Variants in BAZ1A observed in about 807,000 individuals in gnomAD.
The protein encoded by BAZ1A is bromodomain adjacent to zinc finger domain protein 1A.
In BAZ1A, 50 loss-of-function variants were observed where a neutral mutation model predicts 185.2. The ratio of observed to expected loss-of-function variants is 0.27; its 90% confidence interval spans 0.22 to 0.34. The LOEUF (loss-of-function observed/expected upper bound fraction) is 0.34, where lower values mean the gene tolerates loss of function less well. Among genes scored for constraint, BAZ1A ranks in the 10% least tolerant of loss-of-function variants. The pLI, the probability that BAZ1A is intolerant of heterozygous loss-of-function variation, is 1.00. For missense variants in BAZ1A, 1,356 were observed against 1,839.9 expected (o/e 0.74, Z 4.81); for synonymous variants, 571 against 615.6 (o/e 0.93, Z 1.07).
chr14:34,851,540 A>G (rs902349738), intron 3 of BAZ1A, among the ~76,000 whole-genome samples: 2 of 151,862 alleles, frequency 1.3e-5, no homozygotes, highest in African/African-American at 4.8e-5. Context: ...TTTTTTCCTG[A>G]TTTAATTCTC....
rs60954768 is a variant in BAZ1A, at chr14:34,839,839, CAAAAAAAAA to C, written c.393-13692_393-13684del. ...TGGGCGACAAAGCGAGCCTCTGTTTCAAAAAAAAAAAAAAAAAAGGAAAAATGAGCATTT... is the reference window on the plus strand; with the variant it reads ...TGGGCGACAAAGCGAGCCTCTGTTTCAAAAAAAAAGGAAAAATGAGCATTT... On this transcript the variant is annotated intron_variant, in intron 3 of 26. Coordinates refer to ENST00000360310, the MANE Select transcript of BAZ1A (RefSeq NM_013448.3). 2.9e-3 allele frequency among the ~76,000 whole-genome samples: 314 copies of C among 106,686 alleles called. 2 individuals carry two copies. Among genetic ancestry groups the C allele is most frequent in the African/African-American group, 0.011 (307 of 26,924 alleles). The allele number at this position is 106,686 out of a possible 152,430, so 70.0% of individuals were successfully genotyped here.
At chr14:34,865,122 C>T (rs35265117) in intron 2 of BAZ1A, among the ~76,000 whole-genome samples, 21,547 of 151,998 alleles carry the variant, frequency 0.14, 1,728 homozygotes, top group Middle Eastern at 0.2. Context: ...GTAGCATGAG[C>T]CTGTAATTCG....
chr14:34,820,050 A>C (rs2138699336), intron 4 of BAZ1A, among the ~76,000 whole-genome samples: 1 of 150,364 alleles, frequency 6.7e-6, no homozygotes, highest in East Asian at 1.9e-4. Context: ...TCATATGCTT[A>C]CTTGCCATCT....
Position 34,783,207 on chromosome 14 carries a change from G to A in BAZ1A, c.2023C>T (p.Leu675Phe), listed in dbSNP as rs760073758. Residue 675 changes from leucine to phenylalanine, a missense_variant, in exon 16 of 27, where the codon CTT (leucine) becomes TTT (phenylalanine). By Grantham distance (22) the Leu-to-Phe change is conservative. This residue lies in a region of BAZ1A where 434 missense variants were observed against 561.7 expected (regional missense o/e 0.77). Transcript: ENST00000360310. ...TTCATTTTTTGTTCTTGCTCCTTAA[G>A]TTTTTCTTCCTTCCTTTTACGAATT... ...ARIRKRKEEK[L>F]KEQEQKMKEK... The A allele has an allele frequency of 3.8e-5, 61 of 1,598,144 alleles. No individual in the cohort carries two copies. The highest frequency in any genetic ancestry group is 4.6e-5 in the Non-Finnish European group (54 of 1,170,298).
intron 3 of BAZ1A, among the ~76,000 whole-genome samples, chr14:34,841,280 T>C (rs546422893): frequency 3.3e-5 from 5 of 152,348 alleles, no homozygotes; most frequent in African/African-American, 1.2e-4. Context: ...CCCATTCTGA[T>C]TGCCAATCAT....
chr14:34,803,670 T>C (rs1881701911), intron 6 of BAZ1A, among the ~76,000 whole-genome samples: 3 of 152,158 alleles, frequency 2.0e-5, no homozygotes. Flanking sequence ...GAATAATCAA[T>C]CCATATATTT....
chr14:34,764,043 C>T (rs1170442788), intron 23 of BAZ1A, among the ~76,000 whole-genome samples: 1 of 152,100 alleles, frequency 6.6e-6, no homozygotes, highest in Non-Finnish European at 1.5e-5. Context: ...AATATCCAGG[C>T]TCCACACTCA....
intron 25 of BAZ1A, among the ~76,000 whole-genome samples, chr14:34,756,769 A>G (rs1415043925): frequency 6.6e-6 from 1 of 151,710 alleles, no homozygotes; most frequent in East Asian, 1.9e-4. Context: ...CTGGCCCAGA[A>G]TAACTTTTAT....
intron 17 of BAZ1A, among the ~76,000 whole-genome samples, chr14:34,777,461 T>C (rs978856345): frequency 2.0e-5 from 3 of 151,808 alleles, no homozygotes; most frequent in African/African-American, 4.8e-5. Flanking sequence ...CTGGCCAACA[T>C]GGTGAAATCC....
chr14:34,762,292 C>T (rs770252684), intron 23 of BAZ1A, 69 bp from the exon 24 acceptor site: 3 of 1,423,932 alleles, frequency 2.1e-6, no homozygotes, highest in Non-Finnish European at 2.9e-6. Context: ...GCTCTATTCT[C>T]CTTGTTGTAT....
At chr14:34,805,426 G>A (rs4387519) in intron 6 of BAZ1A, among the ~76,000 whole-genome samples, 89,186 of 151,928 alleles carry the variant, frequency 0.59, 26,359 homozygotes, top group South Asian at 0.67. Context: ...CCATTTTCCA[G>A]TTGGGTCATC....
intron 9 of BAZ1A, among the ~76,000 whole-genome samples, chr14:34,798,944 T>C (rs547011268): frequency 1.1e-4 from 17 of 152,238 alleles, no homozygotes; most frequent in Admixed American, 4.6e-4. Context: ...CATATGTTTA[T>C]TGTGGCACTA....
intron 18 of BAZ1A, 103 bp downstream of exon 18, chr14:34,775,816 G>A: frequency 1.2e-6 from 1 of 845,074 alleles, no homozygotes; most frequent in Non-Finnish European, 1.9e-6. Flanking sequence ...AAGATAAGGT[G>A]TTGTAAATGT....
chr14:34,860,516 G>GA (rs2042750497), intron 3 of BAZ1A, among the ~76,000 whole-genome samples: 5 of 30,984 alleles, frequency 1.6e-4, no homozygotes, highest in East Asian at 6.2e-4. Context: ...TATACCAAAA[G>GA]TTAAAAAAAA....
intron 3 of BAZ1A, among the ~76,000 whole-genome samples, chr14:34,828,390 C>T (rs1302163013): frequency 6.6e-6 from 1 of 152,042 alleles, no homozygotes; most frequent in Non-Finnish European, 1.5e-5. Flanking sequence ...CTCCACACTC[C>T]CTCTTGTTCC....
intron 3 of BAZ1A, among the ~76,000 whole-genome samples, chr14:34,842,422 C>G (rs2042429990): frequency 6.6e-6 from 1 of 151,978 alleles, no homozygotes; most frequent in South Asian, 2.1e-4. Flanking sequence ...ATGAAGATAC[C>G]CTTTGATTAG....
chr14:34,783,353 G>A (rs1279557755), intron 15 of BAZ1A, 121 bp from the exon 16 acceptor site: 1 of 496,546 alleles, frequency 2.0e-6, no homozygotes, highest in East Asian at 3.9e-5. Flanking sequence ...CTATAATGTA[G>A]TAATCATTCA....
intron 3 of BAZ1A, among the ~76,000 whole-genome samples, chr14:34,858,470 A>T (rs1278173653): frequency 1.3e-5 from 2 of 152,076 alleles, no homozygotes; most frequent in Non-Finnish European, 2.9e-5. Flanking sequence ...AGAAGAAAAA[A>T]CATCCAGCTA....
At chr14:34,825,748 G>A (rs904726687) in intron 4 of BAZ1A, among the ~76,000 whole-genome samples, 1 of 152,030 alleles carries the variant, frequency 6.6e-6, no homozygotes, top group African/African-American at 2.4e-5. Flanking sequence ...GACCAGCCTG[G>A]CCAATATGGT....
Sources: allele counts gnomAD v4.1 joint callset (sites outside exome capture counted in the v4.1 genomes callset), GRCh38; gene constraint gnomAD v4.1.1; regional missense constraint gnomAD v4.1.1; transcripts MANE v1.5; gene names NCBI Gene and HGNC (gene_info 2026-07-23, HGNC 2026-07-21).